The following NTF3 variants were observed in gnomAD, a reference collection of about 807,000 sequenced individuals.
The protein encoded by NTF3 is neurotrophin 3.
Under a neutral mutation model 26.3 loss-of-function variants are expected in NTF3, and 8 were observed. That is an observed-to-expected ratio of 0.30 (90% CI 0.18 to 0.55). The LOEUF is 0.55. Ranked by LOEUF, NTF3 falls within the 20% of genes least tolerant of loss-of-function variation. The probability of loss-of-function intolerance (pLI) is 0.93; values close to 1 mark genes in which losing one functional copy is unlikely to be tolerated. For missense variants in NTF3, 276 were observed against 352.9 expected, an observed-to-expected ratio of 0.78 and a Z score of 1.75; for synonymous variants, 154 against 145.5, an observed-to-expected ratio of 1.06 and a Z score of -0.42.
intron 1 of NTF3, among the ~76,000 whole-genome samples, chr12:5,455,292 C>T (rs994387140): frequency 6.6e-6 from 1 of 152,204 alleles, no homozygotes; most frequent in South Asian, 2.1e-4. Context: ...TATTCTTTGA[C>T]GATGGCATAC....
intron 1 of NTF3, among the ~76,000 whole-genome samples, chr12:5,439,837 C>T (rs921879186): frequency 6.6e-6 from 1 of 152,140 alleles, no homozygotes; most frequent in Non-Finnish European, 1.5e-5. Flanking sequence ...TGGAAGATGG[C>T]TTTCTTTGAT....
intron 1 of NTF3, among the ~76,000 whole-genome samples, chr12:5,438,744 C>G (rs1403708810): frequency 6.6e-6 from 1 of 152,224 alleles, no homozygotes; most frequent in Admixed American, 6.5e-5. Context: ...AGTGACTGGG[C>G]TCTGTCACTA....
intron 1 of NTF3, among the ~76,000 whole-genome samples, chr12:5,486,560 A>G (rs1235285173): frequency 6.6e-6 from 1 of 152,230 alleles, no homozygotes; most frequent in Non-Finnish European, 1.5e-5. Context: ...CAGACAACGT[A>G]TACACTAGAC....
intron 1 of NTF3, among the ~76,000 whole-genome samples, chr12:5,492,009 C>T (rs1591609780): frequency 6.6e-6 from 1 of 152,232 alleles, no homozygotes; most frequent in East Asian, 1.9e-4. Flanking sequence ...CCACCGTACC[C>T]GGCCTTTCTC....
intron 1 of NTF3, among the ~76,000 whole-genome samples, chr12:5,468,908 C>T (rs1940627849): frequency 2.0e-5 from 3 of 152,252 alleles, no homozygotes; most frequent in Middle Eastern, 6.8e-3. Flanking sequence ...ATCGCTTTAG[C>T]CCAGGAGTAA....
chr12:5,461,050 G>A (rs1192418248), intron 1 of NTF3, among the ~76,000 whole-genome samples: 1 of 152,208 alleles, frequency 6.6e-6, no homozygotes, highest in Non-Finnish European at 1.5e-5. Context: ...GATTTGGGTG[G>A]AGTGTGCAGA....
At chr12:5,475,800 C>A (rs1015186287) in intron 1 of NTF3, among the ~76,000 whole-genome samples, 2 of 150,904 alleles carry the variant, frequency 1.3e-5, no homozygotes, top group African/African-American at 4.9e-5. Flanking sequence ...TATGCCCCTG[C>A]ACTCTAGACT....
chr12:5,466,425 A>G (rs752610666), intron 1 of NTF3, among the ~76,000 whole-genome samples: 3 of 152,238 alleles, frequency 2.0e-5, no homozygotes, highest in Non-Finnish European at 2.9e-5. Context: ...GGATAATGCT[A>G]TAAAAATGTC....
At chr12:5,475,261 G>A (rs1023938093) in intron 1 of NTF3, among the ~76,000 whole-genome samples, 1 of 152,148 alleles carries the variant, frequency 6.6e-6, no homozygotes, top group African/African-American at 2.4e-5. Flanking sequence ...GGAGGGATCG[G>A]AGTGTCCAGT....
chr12:5,436,434 C>T (rs1940169500), intron 1 of NTF3, among the ~76,000 whole-genome samples: 1 of 152,128 alleles, frequency 6.6e-6, no homozygotes. Context: ...TGTCTTAGTT[C>T]TAGTCCAGTT....
chr12:5,452,071 G>A (rs372217471), intron 1 of NTF3, among the ~76,000 whole-genome samples: 1 of 149,352 alleles, frequency 6.7e-6, no homozygotes, highest in Non-Finnish European at 1.5e-5. Flanking sequence ...TGCATTGTAC[G>A]TATCTCCCCA....
chr12:5,441,952 G>A (rs964226273), intron 1 of NTF3, among the ~76,000 whole-genome samples: 1 of 152,202 alleles, frequency 6.6e-6, no homozygotes, highest in Non-Finnish European at 1.5e-5. Flanking sequence ...ACAGGGAATC[G>A]GGTGTCATTG....
In NTF3 at chr12:5,432,188, T is replaced by C; in HGVS notation, c.-137T>C. The C allele has an allele frequency of 9.7e-7, 1 of 1,035,128 alleles. No individual in the cohort carries two copies. Among genetic ancestry groups the C allele is most frequent in the Non-Finnish European group, 1.5e-6 (1 of 669,736 alleles). The allele number at this position is 1,035,128 out of a possible 1,614,324, so 64.1% of individuals were successfully genotyped here. On this transcript the variant is annotated 5_prime_UTR_variant, in exon 1 of 2. Transcript: ENST00000423158. ...GCAGCCCGGCGCAACTACTTTCTTC[T>C]CTCTCCTTTCTTTCTTCCTCTCCTT... is the stretch of plus-strand genomic sequence containing the variant.
chr12:5,457,870 G>A (rs552733294), intron 1 of NTF3, among the ~76,000 whole-genome samples: 19 of 152,238 alleles, frequency 1.2e-4, no homozygotes, highest in Non-Finnish European at 1.3e-4. Context: ...TCTGTCATCC[G>A]CAGGATCGGG....
At chr12:5,431,425 C>T (rs1407847389), upstream of NTF3, among the ~76,000 whole-genome samples, 1 of 152,186 alleles carries the variant, frequency 6.6e-6, no homozygotes, top group Non-Finnish European at 1.5e-5. Context: ...CTCGGACCAC[C>T]CGCCCCCACG....
chr12:5,493,343 T>C, intron 1 of NTF3, among the ~76,000 whole-genome samples: 1 of 152,216 alleles, frequency 6.6e-6, no homozygotes, highest in East Asian at 1.9e-4. Flanking sequence ...AAAAGGAACA[T>C]TTTGTAGCAG....
rs1940132888 is a variant in NTF3 at position 5,433,851 on chromosome 12, C to T, written c.18+1509C>T. Among the ~76,000 whole-genome samples the T allele has an allele frequency of 6.6e-6, 1 of 151,994 alleles. No homozygotes were observed. The highest frequency in any genetic ancestry group is 6.6e-5 in the Admixed American group (1 of 15,266). ...TGTGTGAAGAGGCGGGGGCGAGGGC[C>T]TGCTGAGAGGGGAGGGGAGCCTGGA... On this transcript the variant is annotated intron_variant, in intron 1 of 1. Transcript: ENST00000423158. This position sits in a 1 kb window ranked among gnomAD's most constrained non-coding sequence, Gnocchi z 4.6.
intron 1 of NTF3, among the ~76,000 whole-genome samples, chr12:5,443,497 G>T (rs1940265566): frequency 6.6e-6 from 1 of 152,152 alleles, no homozygotes; most frequent in Non-Finnish European, 1.5e-5. Flanking sequence ...TGCAACCTCT[G>T]CATGCCACTC....
intron 1 of NTF3, among the ~76,000 whole-genome samples, chr12:5,485,024 C>T (rs1254296417): frequency 1.3e-5 from 2 of 152,224 alleles, no homozygotes; most frequent in African/African-American, 2.4e-5. Flanking sequence ...CCACCTTCAA[C>T]GCTCCAGCCA....
Sources: gnomAD v4.1 joint callset for allele counts (sites outside exome capture counted in the v4.1 genomes callset) on GRCh38, gnomAD v4.1.1 for gene constraint, Gnocchi (gnomAD v3.1) non-coding constraint, MANE v1.5 for transcripts, NCBI Gene and HGNC (gene_info 2026-07-23, HGNC 2026-07-21) for gene names.